PRELID2: variants seen among roughly 807,000 people sequenced by gnomAD.
The protein encoded by PRELID2 is PRELI domain-containing protein 2.
In PRELID2, 25 loss-of-function variants were observed where a neutral mutation model predicts 28.4. The observed-to-expected ratio is 0.88, with a 90% CI of 0.64 to 1.23. PRELID2 has a LOEUF of 1.23. PRELID2 is among the 50% of genes most tolerant of loss of function. The pLI is 0.00. For missense variants in PRELID2, 201 were observed against 214.4 expected (o/e 0.94, Z 0.39); for synonymous variants, 76 against 71.6 (o/e 1.06, Z -0.31).
At chr5:145,449,253 A>G in the PRELID2 span, among the ~76,000 whole-genome samples, 100,519 of 151,934 alleles carry the variant, frequency 0.66, 33,713 homozygotes, top group Non-Finnish European at 0.69. Context: ...AGGGCTTCCC[A>G]GCAAAACTCA....
chr5:145,813,298 G>C (rs1264879645), intron 4 of PRELID2, among the ~76,000 whole-genome samples: 1 of 152,074 alleles, frequency 6.6e-6, no homozygotes, highest in Non-Finnish European at 1.5e-5. Flanking sequence ...ATCTTTCTTG[G>C]ATGCCCCCAC....
chr5:145,459,928 G>A, the PRELID2 span, among the ~76,000 whole-genome samples: 4 of 151,468 alleles, frequency 2.6e-5, no homozygotes, highest in South Asian at 2.1e-4. Context: ...TCCTGCCTCA[G>A]CCTCCCAAGT....
chr5:145,388,537 C>T, the PRELID2 span, among the ~76,000 whole-genome samples: 30 of 152,310 alleles, frequency 2.0e-4, no homozygotes, highest in African/African-American at 7.2e-4. Flanking sequence ...CTCATGAAAA[C>T]TTATTTCTCT....
chr5:145,487,899 T>C (rs1282872137), intron 1 of PRELID2, among the ~76,000 whole-genome samples: 1 of 150,020 alleles, frequency 6.7e-6, no homozygotes, highest in Non-Finnish European at 1.5e-5. Flanking sequence ...CTGAGGTGGG[T>C]GGATCATGAG....
the PRELID2 span, among the ~76,000 whole-genome samples, chr5:145,251,051 T>A: frequency 6.6e-6 from 1 of 152,122 alleles, no homozygotes; most frequent in Non-Finnish European, 1.5e-5. Flanking sequence ...GAAGAATAGA[T>A]GTCATAACTA....
At chr5:145,699,760 C>T (rs1174149549) in intron 1 of PRELID2, among the ~76,000 whole-genome samples, 1 of 152,192 alleles carries the variant, frequency 6.6e-6, no homozygotes, top group Non-Finnish European at 1.5e-5. Context: ...CTCCAGCAAC[C>T]CACTTACCCT....
the PRELID2 span, among the ~76,000 whole-genome samples, chr5:145,237,307 A>G: frequency 1.3e-5 from 2 of 152,188 alleles, no homozygotes; most frequent in African/African-American, 4.8e-5. Context: ...CTTCTAAGAC[A>G]GCTCTTTAGA....
At chr5:145,423,816 T>G in the PRELID2 span, among the ~76,000 whole-genome samples, 5 of 135,090 alleles carry the variant, frequency 3.7e-5, 1 homozygote, top group South Asian at 2.4e-4. Context: ...GGCGCTCTGC[T>G]TTTTAGAGTT....
At chr5:145,693,674 T>C (rs1477174652) in intron 1 of PRELID2, among the ~76,000 whole-genome samples, 1 of 152,088 alleles carries the variant, frequency 6.6e-6, no homozygotes, top group Non-Finnish European at 1.5e-5. Context: ...CTCAGGAGGC[T>C]GAGGTGAGAG....
chr5:145,779,614 A>T (rs1463057430), intron 5 of PRELID2, among the ~76,000 whole-genome samples: 6 of 152,172 alleles, frequency 3.9e-5, no homozygotes, highest in Admixed American at 2.0e-4. Context: ...TGCGTATGAG[A>T]CTAGAAGGAA....
At chr5:145,671,375 C>T (rs1311802438) in intron 1 of PRELID2, among the ~76,000 whole-genome samples, 4 of 152,066 alleles carry the variant, frequency 2.6e-5, no homozygotes, top group African/African-American at 9.7e-5. Flanking sequence ...GTTCTGTTTC[C>T]CAGAGTCCAA....
At chr5:145,818,963 G>A (rs1215652390) in intron 3 of PRELID2, among the ~76,000 whole-genome samples, 2 of 152,102 alleles carry the variant, frequency 1.3e-5, no homozygotes, top group Non-Finnish European at 2.9e-5. Flanking sequence ...AATCACGGGG[G>A]CGGGTTTTCC....
the PRELID2 span, among the ~76,000 whole-genome samples, chr5:145,358,767 T>C: frequency 5.1e-3 from 777 of 152,342 alleles, 10 homozygotes; most frequent in African/African-American, 0.018. Context: ...GGTCTTGATT[T>C]TGCTTTCCAA....
intron 1 of PRELID2, among the ~76,000 whole-genome samples, chr5:145,741,424 TTATA>T (rs1449662656): frequency 8.7e-6 from 1 of 115,038 alleles, no homozygotes; most frequent in African/African-American, 3.7e-5. Flanking sequence ...TATAATTTAT[TTATA>T]TATAAACAAA....
intron 1 of PRELID2, among the ~76,000 whole-genome samples, chr5:145,607,139 C>T (rs539534944): frequency 6.6e-6 from 1 of 152,084 alleles, no homozygotes; most frequent in African/African-American, 2.4e-5. Context: ...CTCTTTTTTA[C>T]TTTATTAGAC....
At chr5:145,550,459 C>T (rs1466057294) in intron 1 of PRELID2, among the ~76,000 whole-genome samples, 2 of 152,058 alleles carry the variant, frequency 1.3e-5, no homozygotes, top group African/African-American at 4.8e-5. Context: ...GCCTAGAACT[C>T]AGTTGCTATG....
the PRELID2 span, among the ~76,000 whole-genome samples, chr5:145,286,735 T>TTTTTTTTTTG: frequency 6.7e-6 from 1 of 149,186 alleles, no homozygotes; most frequent in African/African-American, 2.5e-5. Context: ...TTTTTTTTTT[T>TTTTTTTTTTG]TTTTGAGACG....
At chr5:145,577,367 A>G (rs1753069701) in intron 1 of PRELID2, among the ~76,000 whole-genome samples, 1 of 152,168 alleles carries the variant, frequency 6.6e-6, no homozygotes, top group Admixed American at 6.6e-5. Context: ...GAAATGAAGA[A>G]AACAATAAAT....
At chr5:145,409,907 A>G in the PRELID2 span, among the ~76,000 whole-genome samples, 1 of 152,240 alleles carries the variant, frequency 6.6e-6, no homozygotes, top group Non-Finnish European at 1.5e-5. Flanking sequence ...TTGATTTCAA[A>G]CCATACTACA....
Sources: allele counts gnomAD v4.1 joint callset (sites outside exome capture counted in the v4.1 genomes callset), GRCh38; gene constraint gnomAD v4.1.1; transcripts MANE v1.5; gene names NCBI Gene and HGNC (gene_info 2026-07-23, HGNC 2026-07-21).